The following SPATA13 variants were observed in gnomAD, a reference collection of about 807,000 sequenced individuals.
The protein encoded by SPATA13 is spermatogenesis associated 13.
Under a neutral mutation model 104.0 loss-of-function variants are expected in SPATA13, and 50 were observed. The ratio of observed to expected loss-of-function variants is 0.48; its 90% CI spans 0.38 to 0.61. SPATA13 has a LOEUF of 0.61. Ranked by LOEUF, SPATA13 falls within the 20% of genes least tolerant of loss-of-function variation. The probability of loss-of-function intolerance (pLI) is 0.00; values close to 1 mark genes in which losing one functional copy is unlikely to be tolerated. For missense variants in SPATA13, 1,524 were observed against 1,690.6 expected (o/e 0.90, Z 1.73); for synonymous variants, 606 against 667.5 (o/e 0.91, Z 1.42).
At position 24,223,692 on chromosome 13, in the gene SPATA13, A is replaced by G. The variant is rs1423547385; in HGVS notation, c.763A>G (p.Thr255Ala). ...CATGGGCTACAGGAGGAGCAAGAGC[A>G]CGGACAATCTTGCCTTTCTGAAGAA... ...NSMGYRRSKS[T>A]DNLAFLKKSS... Residue 255 changes from threonine (T) to alanine (A), a missense_variant, in exon 2 of 13, where the codon ACG becomes GCG. Physicochemically the swap from Thr to Ala is moderately conservative, Grantham distance 58. Coordinates refer to ENST00000382108, the MANE Select transcript of SPATA13 (RefSeq NM_001166271.3). The G allele has an allele frequency of 1.3e-6, 2 of 1,552,104 alleles. No individual in the cohort carries two copies. Among genetic ancestry groups the G allele is most frequent in the African/African-American group, 2.7e-5 (2 of 73,082 alleles).
intron 3 of SPATA13, among the ~76,000 whole-genome samples, chr13:24,082,165 G>A (rs1451410246): frequency 6.6e-6 from 1 of 152,138 alleles, no homozygotes; most frequent in Non-Finnish European, 1.5e-5. Flanking sequence ...TTGACATGCA[G>A]GATCCAAAAT....
intron 3 of SPATA13, among the ~76,000 whole-genome samples, chr13:24,108,973 T>TTTTA (rs1437553093): frequency 1.6e-3 from 240 of 152,098 alleles, no homozygotes; most frequent in Non-Finnish European, 2.7e-3. Context: ...TTTATTTTTT[T>TTTTA]AAATTATACT....
At chr13:23,997,790 A>G (rs572152072) in intron 2 of SPATA13, among the ~76,000 whole-genome samples, 1 of 152,038 alleles carries the variant, frequency 6.6e-6, no homozygotes, top group Admixed American at 6.5e-5. Context: ...CTTCTGAACT[A>G]ATAGAGGAGA....
At chr13:24,235,062 G>C (rs189853417) in intron 2 of SPATA13, among the ~76,000 whole-genome samples, 1 of 152,340 alleles carries the variant, frequency 6.6e-6, no homozygotes, top group Admixed American at 6.5e-5. Flanking sequence ...CGGGTTAATA[G>C]TAGCTTTTAT....
chr13:24,225,951 T>C (rs774561592), intron 2 of SPATA13, among the ~76,000 whole-genome samples: 1 of 151,934 alleles, frequency 6.6e-6, no homozygotes, highest in African/African-American at 2.4e-5. Flanking sequence ...AAACGGAGGG[T>C]GAGCAAGGCT....
chr13:24,279,387 T>C (rs192972325), intron 4 of SPATA13, among the ~76,000 whole-genome samples: 1 of 152,270 alleles, frequency 6.6e-6, no homozygotes, highest in East Asian at 1.9e-4. Context: ...TGGATGATTC[T>C]GAGCAGAGGA....
At chr13:24,270,677 G>A in intron 4 of SPATA13, 4 of 1,420,114 alleles carry the variant, frequency 2.8e-6, no homozygotes, top group Admixed American at 4.8e-5. Context: ...GGAGTGTGGA[G>A]CCAGCTGTCA....
intron 3 of SPATA13, among the ~76,000 whole-genome samples, chr13:24,105,312 T>G (rs1880403396): frequency 6.6e-6 from 1 of 151,964 alleles, no homozygotes; most frequent in Admixed American, 6.6e-5. Context: ...TTTTTTGTAT[T>G]TTGGGGGGTA....
At chr13:24,128,737 A>T (rs201283210) in intron 3 of SPATA13, among the ~76,000 whole-genome samples, 3 of 180 alleles carry the variant, frequency 0.017, no homozygotes, top group African/African-American at 0.05. Context: ...ACCTTATTTA[A>T]AAAAAAAAAA....
chr13:24,189,243 C>T (rs7139478), intron 1 of SPATA13, among the ~76,000 whole-genome samples: 2 of 151,846 alleles, frequency 1.3e-5, no homozygotes, highest in East Asian at 3.9e-4. Context: ...AGGCCGAGGC[C>T]GGTGGATCAC....
rs377324848 is a variant in SPATA13 at position 24,301,058 on chromosome 13, C to A, written c.3658+583C>A. On this transcript the variant is annotated intron_variant, in intron 12 of 12. Transcript: ENST00000382108. ...TTCAAAAATGCTGATGCCCAGGCCG[C>A]ATACCCAGGGGCTCTGATGCACTAA... is the stretch of plus-strand genomic sequence containing the variant. Among the ~76,000 whole-genome samples the A allele has an allele frequency of 1.2e-3, 178 of 152,294 alleles. 8 individuals carry two copies. The South Asian group carries it at 0.036, about 31-fold the overall frequency.
In SPATA13 at chr13:24,088,640, TA is replaced by T. The variant is rs557932246; in HGVS notation, c.-112+70946del. 2.0e-5 allele frequency among the ~76,000 whole-genome samples: 3 copies of T among 152,104 alleles called. No homozygotes were observed. Among genetic ancestry groups the T allele is most frequent in the African/African-American group, 7.2e-5 (3 of 41,406 alleles). On this transcript the variant is annotated intron_variant, in intron 3 of 14. Coordinates refer to the SPATA13 transcript ENST00000424834. The surrounding 1 kb of genome is among the most constrained non-coding windows in gnomAD (Gnocchi z 4.3). ...CAATTTTCTCTTTCCCAAAATGGAA[TA>T]AAAAAATCAAAGCTCAGAATCACTG...
chr13:24,133,138 G>T (rs976573512), intron 3 of SPATA13, among the ~76,000 whole-genome samples: 5 of 152,162 alleles, frequency 3.3e-5, no homozygotes, highest in Non-Finnish European at 7.4e-5. Context: ...TGTAGCCAGA[G>T]ATCCTGGTAC....
At chr13:24,021,850 T>G (rs1465101376) in intron 3 of SPATA13, among the ~76,000 whole-genome samples, 1 of 151,866 alleles carries the variant, frequency 6.6e-6, no homozygotes, top group Non-Finnish European at 1.5e-5. Context: ...TAGCTGGGAC[T>G]ACAGGCGCCC....
chr13:24,019,912 G>A (rs979091903), intron 3 of SPATA13, among the ~76,000 whole-genome samples: 4 of 152,096 alleles, frequency 2.6e-5, no homozygotes, highest in African/African-American at 4.8e-5. Flanking sequence ...CATCTCTCTC[G>A]CCCTGGAGTC....
chr13:24,082,534 T>A (rs1033052556), intron 3 of SPATA13, among the ~76,000 whole-genome samples: 2 of 151,964 alleles, frequency 1.3e-5, no homozygotes, highest in African/African-American at 4.8e-5. Flanking sequence ...AAAAATAAGA[T>A]CTTTGGCCGG....
chr13:24,277,295 T>A (rs1054883579), intron 4 of SPATA13, among the ~76,000 whole-genome samples: 7 of 151,674 alleles, frequency 4.6e-5, no homozygotes, highest in Admixed American at 1.3e-4. Context: ...ATACAAAAAA[T>A]TAGCTGGGTG....
At chr13:24,001,410 G>C (rs1363918555) in intron 2 of SPATA13, among the ~76,000 whole-genome samples, 1 of 151,922 alleles carries the variant, frequency 6.6e-6, no homozygotes, top group African/African-American at 2.4e-5. Flanking sequence ...GAGGGTGTGA[G>C]AGAGGTGAGG....
At chr13:24,000,632 A>G (rs1875916806) in intron 2 of SPATA13, among the ~76,000 whole-genome samples, 1 of 152,236 alleles carries the variant, frequency 6.6e-6, no homozygotes, top group Non-Finnish European at 1.5e-5. Flanking sequence ...TTCTCAGGAA[A>G]GGGCAACAGG....
Sources: gnomAD v4.1 joint callset for allele counts (sites outside exome capture counted in the v4.1 genomes callset) on GRCh38, gnomAD v4.1.1 for gene constraint, Gnocchi (gnomAD v3.1) non-coding constraint, MANE v1.5 for transcripts, NCBI Gene and HGNC (gene_info 2026-07-23, HGNC 2026-07-21) for gene names.